FAM135A: variants seen among roughly 807,000 people sequenced by gnomAD.
FAM135A encodes the protein protein FAM135A.
A neutral mutation model predicts 146.8 loss-of-function variants in FAM135A; 79 were observed. The ratio of observed to expected loss-of-function variants is 0.54; its 90% CI spans 0.45 to 0.65. The LOEUF is 0.65. Ranked by LOEUF, FAM135A falls within the 30% of genes least tolerant of loss-of-function variation. The pLI is 0.00. For synonymous variants in FAM135A, 562 were observed against 603.6 expected (o/e 0.93, Z 1.01); for missense variants, 1,623 against 1,758.2 (o/e 0.92, Z 1.38).
intron 4 of FAM135A, among the ~76,000 whole-genome samples, chr6:70,429,260 C>A (rs1770916197): frequency 6.6e-6 from 1 of 152,086 alleles, no homozygotes; most frequent in Admixed American, 6.6e-5. Context: ...CACCTGTAAT[C>A]CCAGGACTTT....
intron 5 of FAM135A, among the ~76,000 whole-genome samples, chr6:70,465,827 A>C (rs1780364968): frequency 6.6e-6 from 1 of 152,180 alleles, no homozygotes. Context: ...TACTAACATG[A>C]AGTAAGAAAT....
intron 4 of FAM135A, among the ~76,000 whole-genome samples, chr6:70,452,137 A>G (rs1419364719): frequency 6.6e-6 from 1 of 152,074 alleles, no homozygotes; most frequent in Non-Finnish European, 1.5e-5. Context: ...TTACATTATA[A>G]GTAATTATCT....
intron 11 of FAM135A, among the ~76,000 whole-genome samples, chr6:70,493,869 A>T (rs113097211): frequency 0.046 from 7,004 of 152,136 alleles, 355 homozygotes; most frequent in African/African-American, 0.11. Context: ...TCTGGCCAAC[A>T]TGGCGAAACC....
chr6:70,476,327 A>G (rs1782628644), intron 7 of FAM135A, among the ~76,000 whole-genome samples: 1 of 152,146 alleles, frequency 6.6e-6, no homozygotes, highest in Admixed American at 6.6e-5. Context: ...TTTTTCCCCC[A>G]TCTCAAATGT....
At chr6:70,534,162 A>G (rs1796341808) in intron 18 of FAM135A, among the ~76,000 whole-genome samples, 1 of 151,976 alleles carries the variant, frequency 6.6e-6, no homozygotes, top group Admixed American at 6.6e-5. Flanking sequence ...GATTATAGTG[A>G]GAGTTAAAAC....
intron 12 of FAM135A, among the ~76,000 whole-genome samples, chr6:70,513,832 T>C (rs1423498991): frequency 1.3e-5 from 2 of 152,088 alleles, no homozygotes; most frequent in African/African-American, 2.4e-5. Context: ...CTTTAAAAAG[T>C]ACCATTATCT....
Position 70,524,844 on chromosome 6 carries a change from C to A in FAM135A, c.1760C>A (p.Ser587Tyr). 1 of 1,590,332 alleles carries A rather than the reference C, an allele frequency of 6.3e-7. No individual in the cohort carries two copies. The highest frequency in any genetic ancestry group is 1.1e-5 in the South Asian group (1 of 87,898). ...PTNTERTEQKSPDIENVQPDQ... is the reference protein window; with the variant it reads ...PTNTERTEQKYPDIENVQPDQ... ...AATACAGAGAGAACTGAACAAAAGT[C>A]TCCAGATATTGAAAATGTTCAACCA... Residue 587 changes from serine to tyrosine, a missense_variant, in exon 15 of 22, where the codon TCT becomes TAT. Around this residue, in one of 7 missense-constraint regions of FAM135A, gnomAD observed 1,061 missense variants for 1,113.8 expected, o/e 0.95. Transcript: ENST00000418814.
chr6:70,431,291 C>G (rs1164932322), intron 4 of FAM135A, among the ~76,000 whole-genome samples: 1 of 152,146 alleles, frequency 6.6e-6, no homozygotes, highest in African/African-American at 2.4e-5. Flanking sequence ...CTCAACGGTT[C>G]TACTGATCTA....
At chr6:70,529,308 A>G (rs899848518) in intron 16 of FAM135A, among the ~76,000 whole-genome samples, 2 of 152,012 alleles carry the variant, frequency 1.3e-5, no homozygotes, top group African/African-American at 4.8e-5. Context: ...AAGATGCCAA[A>G]TATCTCTAGA....
At chr6:70,556,106 A>G (rs1022827513) in intron 20 of FAM135A, among the ~76,000 whole-genome samples, 7 of 152,072 alleles carry the variant, frequency 4.6e-5, no homozygotes, top group Admixed American at 3.3e-4. Flanking sequence ...AAAATTAGCC[A>G]GGTGTGGTGG....
intron 8 of FAM135A, 95 bp downstream of exon 8, chr6:70,477,427 TG>T: frequency 1.5e-6 from 2 of 1,302,556 alleles, no homozygotes; most frequent in Non-Finnish European, 2.1e-6. Flanking sequence ...GAGGTTTAAT[TG>T]GGTCATGGTT....
chr6:70,522,459 G>T, intron 12 of FAM135A, 54 bp from the exon 13 acceptor site: 2 of 1,510,502 alleles, frequency 1.3e-6, no homozygotes, highest in South Asian at 1.1e-5. Flanking sequence ...TAAGATGCCG[G>T]ATTGACTTTT....
At chr6:70,552,465 CTTTTTTTT>C (rs35509125) in intron 20 of FAM135A, among the ~76,000 whole-genome samples, 5 of 96,834 alleles carry the variant, frequency 5.2e-5, no homozygotes, top group South Asian at 3.5e-4. Flanking sequence ...GTTGAAGATT[CTTTTTTTT>C]TTTTTTTTTT....
chr6:70,537,522 T>C (rs778762252), intron 19 of FAM135A, among the ~76,000 whole-genome samples: 9 of 152,204 alleles, frequency 5.9e-5, no homozygotes, highest in Non-Finnish European at 8.8e-5. Context: ...AAATAATGTA[T>C]AATAGAACCC....
Position 70,526,580 on chromosome 6 carries a change from G to A in FAM135A, c.3496G>A (p.Val1166Ile). 2 of 1,613,558 alleles carry A rather than the reference G, an allele frequency of 1.2e-6. No individual in the cohort carries two copies. Among genetic ancestry groups the A allele is most frequent in the Non-Finnish European group, 1.7e-6 (2 of 1,179,654 alleles). The change falls in exon 15 of 22, where the codon GTT becomes ATT. Residue 1166 changes from valine to isoleucine, a missense_variant. This residue lies in a region of FAM135A where 1,061 missense variants were observed against 1,113.8 expected (regional missense o/e 0.95). Coordinates refer to ENST00000418814, the MANE Select transcript of FAM135A (RefSeq NM_001162529.3). ...TGCACCACGAGAGTCTCCTTGTAAT[G>A]TTAAATATTCTTCCAAAAGTAAATT... ...PSAPRESPCN[V>I]KYSSKSKFDA...
chr6:70,413,933 G>C (rs1766864449), intron 1 of FAM135A: 1 of 985,436 alleles, frequency 1.0e-6, no homozygotes, highest in Admixed American at 6.1e-5. Context: ...GCCGCGGCGC[G>C]CTGCTCTCCC....
chr6:70,435,012 A>T (rs1220579670), intron 4 of FAM135A, among the ~76,000 whole-genome samples: 1 of 150,362 alleles, frequency 6.7e-6, no homozygotes, highest in Admixed American at 6.7e-5. Flanking sequence ...ACATATTATG[A>T]TTTGGAAATG....
At chr6:70,508,153 A>C (rs1790216028) in intron 12 of FAM135A, among the ~76,000 whole-genome samples, 1 of 152,194 alleles carries the variant, frequency 6.6e-6, no homozygotes, top group Non-Finnish European at 1.5e-5. Context: ...ATATTTTATA[A>C]TGCACAGCAA....
intron 4 of FAM135A, among the ~76,000 whole-genome samples, chr6:70,434,379 A>G (rs1772463988): frequency 6.6e-6 from 1 of 152,208 alleles, no homozygotes; most frequent in Non-Finnish European, 1.5e-5. Flanking sequence ...ATCTTTTTCT[A>G]GAATGCTTTA....
Sources: gnomAD v4.1 joint callset for allele counts (sites outside exome capture counted in the v4.1 genomes callset) on GRCh38, gnomAD v4.1.1 for gene constraint, gnomAD v4.1.1 regional missense constraint, MANE v1.5 for transcripts, NCBI Gene and HGNC (gene_info 2026-07-23, HGNC 2026-07-21) for gene names.